The following SCUBE2 variants were observed in gnomAD, a reference collection of about 807,000 sequenced individuals.
SCUBE2 encodes the protein signal peptide, CUB domain and EGF like domain containing 2.
Under a neutral mutation model 125.9 loss-of-function variants are expected in SCUBE2, and 114 were observed. That is an observed-to-expected ratio of 0.91 (90% confidence interval 0.78 to 1.06). SCUBE2 has a LOEUF of 1.06. SCUBE2 is among the 50% of genes least tolerant of loss of function. The probability of loss-of-function intolerance (pLI) is 0.00; values close to 1 mark genes in which losing one functional copy is unlikely to be tolerated. For synonymous variants in SCUBE2, 459 were observed against 492.9 expected (o/e 0.93, Z 0.91); for missense variants, 1,255 against 1,301.8 (o/e 0.96, Z 0.55).
chr11:9,081,673 C>CA (rs76482625), intron 2 of SCUBE2, among the ~76,000 whole-genome samples: 4 of 82,126 alleles, frequency 4.9e-5, no homozygotes, highest in Admixed American at 4.1e-4. Context: ...AACAAACAAA[C>CA]AAAAAAAAAA....
intron 2 of SCUBE2, among the ~76,000 whole-genome samples, chr11:9,079,793 A>G (rs903187510): frequency 1.3e-5 from 2 of 152,234 alleles, no homozygotes; most frequent in South Asian, 2.1e-4. Flanking sequence ...AGAATGAGGA[A>G]GATCTCTGTG....
chr11:9,063,548 T>G (rs1441538109), intron 7 of SCUBE2, among the ~76,000 whole-genome samples: 1 of 152,202 alleles, frequency 6.6e-6, no homozygotes, highest in Admixed American at 6.5e-5. Flanking sequence ...TGATGGAAAA[T>G]TCTTTCCAAC....
intron 21 of SCUBE2, chr11:9,024,526 C>T (rs1319226597): frequency 1.6e-6 from 1 of 620,636 alleles, no homozygotes; most frequent in Non-Finnish European, 2.5e-6. Context: ...CAGTGGCTTC[C>T]TCTAAGATTA....
intron 16 of SCUBE2, among the ~76,000 whole-genome samples, chr11:9,046,743 A>T (rs1462231443): frequency 9.2e-5 from 14 of 152,200 alleles, no homozygotes. Context: ...AATCAGCTGG[A>T]ATGAAAATCA....
At chr11:9,084,051 C>T (rs1861870787) in intron 2 of SCUBE2, among the ~76,000 whole-genome samples, 1 of 152,084 alleles carries the variant, frequency 6.6e-6, no homozygotes, top group Non-Finnish European at 1.5e-5. Flanking sequence ...TTCTATAGAC[C>T]ACTTCCATTA....
chr11:9,091,089 G>T lies in SCUBE2; in HGVS notation c.133+307C>A, dbSNP rs942951151. ...CTGAGGCGCGGGACCCCAAGGCCAG[G>T]GTCCGCACCCTCCTGCCTGCTCGCC... On this transcript the variant is annotated intron_variant, in intron 1 of 22. Transcript: ENST00000649792. The surrounding 1 kb of genome is among the most constrained non-coding windows in gnomAD (Gnocchi z 8.5). Among the ~76,000 whole-genome samples, 5 of 152,160 alleles carry T rather than the reference G, an allele frequency of 3.3e-5. No individual in the cohort carries two copies. Among genetic ancestry groups the T allele is most frequent in the African/African-American group, 1.2e-4 (5 of 41,444 alleles).
rs189730171 is a variant in SCUBE2 at position 9,075,624 on chromosome 11, C to A, written c.383-1009G>T. ...CTTAATTTGGGAAGCAGCTGGGAAC[C>A]ACTAGAGTAGGGGAGAGAGTCTGGC... is the stretch of plus-strand genomic sequence containing the variant. On this transcript the variant is annotated intron_variant, in intron 3 of 22. Transcript: ENST00000649792. 2.0e-5 allele frequency among the ~76,000 whole-genome samples: 3 copies of A among 152,192 alleles called. No individual in the cohort carries two copies. In the East Asian group the frequency reaches 5.8e-4, roughly 29 times the overall value.
In SCUBE2 at chr11:9,091,479, AG is replaced by A; in HGVS notation, c.49del (p.Leu17CysfsTer30). Reference sequence around the variant, plus strand: ...CAGTGGCGGCAGCAGCAGCAGCAGCAGCAGCACCGCCCAGGCCGCCCCGGGA... The same window carrying A: ...CAGTGGCGGCAGCAGCAGCAGCAGCACAGCACCGCCCAGGCCGCCCCGGGA... The part of the protein sequence containing the change: ...NRPGAAWAVL[L>X]LLLLLPPLLL... On this transcript the variant is annotated frameshift_variant, in exon 1 of 23. Coordinates refer to ENST00000649792, the MANE Select transcript of SCUBE2 (RefSeq NM_001367977.2). LOFTEE classifies it high-confidence loss of function. This position sits in a 1 kb window ranked among gnomAD's most constrained non-coding sequence, Gnocchi z 8.5. The A allele has an allele frequency of 2.4e-6, 3 of 1,266,140 alleles. No homozygotes were observed. Among genetic ancestry groups the A allele is most frequent in the East Asian group, 3.4e-5 (1 of 29,554 alleles). 78.4% of individuals were successfully genotyped at this position (1,266,140 alleles called of 1,614,324 possible).
At chr11:9,078,284 A>C (rs1344175901) in intron 3 of SCUBE2, among the ~76,000 whole-genome samples, 1 of 152,256 alleles carries the variant, frequency 6.6e-6, no homozygotes, top group African/African-American at 2.4e-5. Flanking sequence ...TGACAGCTGC[A>C]GGCTTGGAAA....
chr11:9,085,905 T>C (rs1308773289), intron 2 of SCUBE2, among the ~76,000 whole-genome samples: 1 of 151,590 alleles, frequency 6.6e-6, no homozygotes, highest in African/African-American at 2.4e-5. Flanking sequence ...CAATCACAGC[T>C]CACTGCAACC....
intron 9 of SCUBE2, among the ~76,000 whole-genome samples, chr11:9,057,871 C>T (rs1353173903): frequency 2.0e-5 from 3 of 152,090 alleles, no homozygotes; most frequent in Non-Finnish European, 4.4e-5. Context: ...AGTCCTTATT[C>T]CCAAAAATGG....
Position 9,021,201 on chromosome 11 carries a change from A to T in SCUBE2, c.2935-4T>A. ...GAGCCTTGATAAGTTTCTTATCCTAAAAAGAACAGAATTTTTGTTACTGGG... is the reference window on the plus strand; with the variant it reads ...GAGCCTTGATAAGTTTCTTATCCTATAAAGAACAGAATTTTTGTTACTGGG... On this transcript the variant is annotated splice_polypyrimidine_tract_variant and splice_region_variant and intron_variant, in intron 22 of 22. Transcript: ENST00000649792. 1 of 1,553,184 alleles carries T rather than the reference A, an allele frequency of 6.4e-7. No homozygotes were observed. The highest frequency in any genetic ancestry group is 8.7e-7 in the Non-Finnish European group (1 of 1,151,764).
At chr11:9,059,275 G>T in intron 9 of SCUBE2, 28 bp downstream of exon 9, 5 of 1,610,120 alleles carry the variant, frequency 3.1e-6, no homozygotes, top group Middle Eastern at 1.8e-4. Flanking sequence ...GGGCCATTGC[G>T]CAGCACAGCT....
chr11:9,032,246 T>C (rs996195423), intron 17 of SCUBE2, among the ~76,000 whole-genome samples: 9 of 152,062 alleles, frequency 5.9e-5, no homozygotes, highest in Non-Finnish European at 1.3e-4. Context: ...GCCACCTAAG[T>C]AGCTGAGATT....
intron 10 of SCUBE2, among the ~76,000 whole-genome samples, chr11:9,053,983 C>T (rs889226544): frequency 2.8e-5 from 4 of 144,854 alleles, no homozygotes; most frequent in South Asian, 2.2e-4. Flanking sequence ...CCTTCTCAAG[C>T]TCCACTCTTT....
intron 16 of SCUBE2, among the ~76,000 whole-genome samples, chr11:9,037,987 C>T (rs996925771): frequency 6.6e-6 from 1 of 152,154 alleles, no homozygotes; most frequent in Admixed American, 6.5e-5. Context: ...CCTCTTTTCT[C>T]TTAATGTTAT....
chr11:9,068,915 A>T (rs971040351), intron 5 of SCUBE2, among the ~76,000 whole-genome samples: 1 of 152,220 alleles, frequency 6.6e-6, no homozygotes. Context: ...GTGAGAGTCC[A>T]CCACGCCAGG....
At chr11:9,059,664 T>C (rs1182450952) in intron 8 of SCUBE2, 1 of 519,518 alleles carries the variant, frequency 1.9e-6, no homozygotes, top group East Asian at 3.1e-5. Context: ...TGCCCTTGAT[T>C]GGCATTAAGG....
At chr11:9,079,200 G>A (rs189204778) in intron 3 of SCUBE2, among the ~76,000 whole-genome samples, 184 bp downstream of exon 3, 2 of 152,214 alleles carry the variant, frequency 1.3e-5, no homozygotes, top group Non-Finnish European at 2.9e-5. Context: ...GAAGATTTAT[G>A]TTATGAATGA....
Sources: allele counts gnomAD v4.1 joint callset (sites outside exome capture counted in the v4.1 genomes callset), GRCh38; gene constraint gnomAD v4.1.1; non-coding constraint Gnocchi (gnomAD v3.1); transcripts MANE v1.5; gene names NCBI Gene and HGNC (gene_info 2026-07-23, HGNC 2026-07-21).